KCP: variants seen among roughly 807,000 people sequenced by gnomAD.
The protein encoded by KCP is kielin/chordin-like protein.
A neutral mutation model predicts 212.7 loss-of-function variants in KCP; 194 were observed. The ratio of observed to expected loss-of-function variants is 0.91; its 90% CI spans 0.81 to 1.03. KCP has a LOEUF of 1.03. Among genes scored for constraint, KCP ranks in the 50% least tolerant of loss-of-function variants. The probability of loss-of-function intolerance (pLI) is 0.00; values close to 1 mark genes in which losing one functional copy is unlikely to be tolerated. For synonymous variants in KCP, 833 were observed against 865.3 expected, an observed-to-expected ratio of 0.96 and a Z score of 0.65; for missense variants, 2,080 against 2,162.5, an observed-to-expected ratio of 0.96 and a Z score of 0.76.
At chr7:128,902,333 T>C (rs1335156595) in intron 8 of KCP, among the ~76,000 whole-genome samples, 1 of 152,252 alleles carries the variant, frequency 6.6e-6, no homozygotes, top group Non-Finnish European at 1.5e-5. Context: ...CCCTATTTCA[T>C]AGGAAGTCTT....
At chr7:128,909,235 G>T (rs979332697) in intron 1 of KCP, among the ~76,000 whole-genome samples, 1 of 152,196 alleles carries the variant, frequency 6.6e-6, no homozygotes. Context: ...GGCAGACATA[G>T]GTCCCTCCTC....
chr7:128,878,573 A>G lies in KCP; in HGVS notation c.4296T>C (p.Phe1432=). 6.4e-7 allele frequency: 1 copy of G among 1,551,216 alleles called. No homozygotes were observed. The highest frequency in any genetic ancestry group is 8.7e-7 in the Non-Finnish European group (1 of 1,146,830). ...EGLLLPSEAA[F]GNSWQVSEGL... is the part of the protein sequence containing the mutation. ...TACCACTCACCTGCCAGCTATTCCC[A>G]AACGCAGCCTCCGAGGGCAGGAGCA... Residue 1432 remains phenylalanine, a synonymous_variant, in exon 38 of 40, where the codon TTT becomes TTC. Transcript: ENST00000610776.
At chr7:128,906,959 A>G (rs753017475) in intron 4 of KCP, 142 bp downstream of exon 4, 2 of 804,056 alleles carry the variant, frequency 2.5e-6, no homozygotes, top group African/African-American at 1.7e-5. Flanking sequence ...CCTACTCGGA[A>G]TCAACTGAAA....
chr7:128,891,779 G>T lies in KCP; in HGVS notation c.1662C>A (p.Ser554Arg), dbSNP rs200300106. Residue 554 changes from serine to arginine, a missense_variant, in exon 17 of 40, where the codon AGC becomes AGA. Ser to Arg is a moderately radical substitution (Grantham distance 110, BLOSUM62 -1). Coordinates refer to ENST00000610776, the MANE Select transcript of KCP (RefSeq NM_001366122.1). ...GGCAGGGGTCTCGGGGGTGGGAGAA[G>T]CTCTCGCCGTCCACAAACACCTCTT... The part of the protein sequence containing the change: ...LEEEVFVDGE[S>R]FSHPRDPCQE... 2.3e-3 allele frequency: 3,329 copies of T among 1,450,128 alleles called. 6 individuals carry two copies. Among genetic ancestry groups the T allele is most frequent in the Non-Finnish European group, 2.9e-3 (3,147 of 1,099,384 alleles). The allele number at this position is 1,450,128 out of a possible 1,614,324, so 89.8% of individuals were successfully genotyped here. A position where few individuals can be genotyped will look rare whatever the true frequency, so the allele number is the denominator to read the frequency against.
chr7:128,880,410 G>C lies in KCP; in HGVS notation c.3735C>G (p.Arg1245=). The C allele has an allele frequency of 6.5e-7, 1 of 1,543,288 alleles. No homozygotes were observed. The highest frequency in any genetic ancestry group is 8.8e-7 in the Non-Finnish European group (1 of 1,142,308). ...MAGTVRCQSQ[R]CSPLSCGPDK... ...CGGGGCCACACGAGAGCGGTGAGCAGCGCTGGCTCTGGCAACGCACGGTGC... is the reference window on the plus strand; with the variant it reads ...CGGGGCCACACGAGAGCGGTGAGCACCGCTGGCTCTGGCAACGCACGGTGC... The change falls in exon 34 of 40, where the codon CGC becomes CGG. Residue 1245 remains arginine, a synonymous_variant. Coordinates refer to ENST00000610776, the MANE Select transcript of KCP (RefSeq NM_001366122.1).
chr7:128,890,486 G>A lies in KCP; in HGVS notation c.2192C>T (p.Ala731Val). The A allele has an allele frequency of 6.5e-7, 1 of 1,550,102 alleles. No homozygotes were observed. Among genetic ancestry groups the A allele is most frequent in the Non-Finnish European group, 8.7e-7 (1 of 1,146,844 alleles). ...DGCLYQGKEF[A>V]SGERFPSPTA... ...GGGCGATGGGAAGCGCTCCCCGCTGGCAAACTCCTTCCCCTGGTACAGGCA... is the reference window on the plus strand; with the variant it reads ...GGGCGATGGGAAGCGCTCCCCGCTGACAAACTCCTTCCCCTGGTACAGGCA... The change falls in exon 21 of 40, where the codon GCC (alanine) becomes GTC (valine). Residue 731 changes from alanine (A) to valine (V), a missense_variant. Coordinates refer to ENST00000610776, the MANE Select transcript of KCP (RefSeq NM_001366122.1).
chr7:128,877,001 A>G lies in KCP; in HGVS notation c.*42T>C. Reference sequence around the variant, plus strand: ...AGGGTGGGAACTGCTCGCCAAGGGGAGACTCCTGGCCTGATGAACCCTTAT... The same window carrying G: ...AGGGTGGGAACTGCTCGCCAAGGGGGGACTCCTGGCCTGATGAACCCTTAT... On this transcript the variant is annotated 3_prime_UTR_variant, in exon 40 of 40. Transcript: ENST00000610776. The G allele has an allele frequency of 1.3e-6, 2 of 1,523,024 alleles. No homozygotes were observed. The highest frequency in any genetic ancestry group is 2.5e-5 in the South Asian group (2 of 79,308). The allele number at this position is 1,523,024 out of a possible 1,614,324, so 94.3% of individuals were successfully genotyped here.
intron 2 of KCP, 46 bp from the exon 3 acceptor site, chr7:128,907,499 A>C: frequency 7.6e-7 from 1 of 1,322,374 alleles, no homozygotes; most frequent in South Asian, 1.7e-5. Flanking sequence ...AGCTTCCCCC[A>C]CCATCTCCAG....
At position 128,903,713 on chromosome 7, in the gene KCP, CCAGGGGCTCTCA is replaced by C; in HGVS notation, c.748+2_748+13del. ...TACCTGTGGCTCTACCAGGGAGGGG[CCAGGGGCTCTCA>C]CCTTGGCAGGTTGGGCAGCAGTGCC... is the stretch of plus-strand genomic sequence containing the variant. On this transcript the variant is annotated splice_donor_variant and splice_donor_5th_base_variant and intron_variant, in intron 7 of 39. Coordinates refer to ENST00000610776, the MANE Select transcript of KCP (RefSeq NM_001366122.1). LOFTEE classifies it high-confidence loss of function. 6.5e-7 allele frequency: 1 copy of C among 1,541,132 alleles called. No individual in the cohort carries two copies. Among genetic ancestry groups the C allele is most frequent in the Non-Finnish European group, 8.8e-7 (1 of 1,141,708 alleles).
intron 26 of KCP, among the ~76,000 whole-genome samples, chr7:128,886,012 A>C (rs1324677700): frequency 1.3e-5 from 2 of 152,150 alleles, no homozygotes; most frequent in African/African-American, 4.8e-5. Flanking sequence ...GATGATGATG[A>C]TGATGGTGGT....
Position 128,881,011 on chromosome 7 carries a change from C to T in KCP, c.3499G>A (p.Ala1167Thr), listed in dbSNP as rs1329099745. The part of the protein sequence containing the change: ...SWRDPSNACI[A>T]CTCHRGHVEC... The stretch of plus-strand genomic sequence containing the variant: ...CCCCAGCTCACATGGCAGGTGCAGG[C>T]GATGCACGCATTGCTGGGGTCCCGC... The change falls in exon 32 of 40, where the codon GCC becomes ACC. Residue 1167 changes from alanine (A) to threonine (T), a missense_variant. Transcript: ENST00000610776. 5 of 398,856 alleles carry T rather than the reference C, an allele frequency of 1.3e-5. No individual in the cohort carries two copies. The highest frequency in any genetic ancestry group is 4.4e-5 in the Admixed American group (1 of 22,728). 24.7% of individuals were successfully genotyped at this position (398,856 alleles called of 1,614,324 possible). A position where few individuals can be genotyped will look rare whatever the true frequency, so the allele number is the denominator to read the frequency against.
chr7:128,886,015 A>G (rs1206137123), intron 26 of KCP, among the ~76,000 whole-genome samples: 2 of 151,792 alleles, frequency 1.3e-5, no homozygotes, highest in South Asian at 2.1e-4. Flanking sequence ...GATGATGATG[A>G]TGGTGGTGAT....
In KCP at chr7:128,886,041, G is replaced by T. The variant is rs150825631; in HGVS notation, c.2866+423C>A. Among the ~76,000 whole-genome samples, 427 of 152,252 alleles carry T rather than the reference G, an allele frequency of 2.8e-3. 1 individual carries two copies. The highest frequency in any genetic ancestry group is 9.9e-3 in the African/African-American group (413 of 41,544). ...TGGTGGTGATGATGATGATGATGAT[G>T]AATGGGGTGTGGTTAGGAAGAGGGG... On this transcript the variant is annotated intron_variant, in intron 26 of 39. Coordinates refer to ENST00000610776, the MANE Select transcript of KCP (RefSeq NM_001366122.1).
intron 29 of KCP, among the ~76,000 whole-genome samples, chr7:128,883,742 C>T (rs1793471218): frequency 6.6e-6 from 1 of 152,256 alleles, no homozygotes; most frequent in African/African-American, 2.4e-5. Context: ...GGCCTCACGT[C>T]TCAGCACAAC....
intron 34 of KCP, 112 bp downstream of exon 34, chr7:128,880,274 C>T: frequency 6.5e-6 from 9 of 1,377,500 alleles, no homozygotes; most frequent in Non-Finnish European, 8.8e-6. Context: ...TCCCCAGCTC[C>T]CAGCTGGCGG....
At chr7:128,893,545 G>A in intron 11 of KCP, 69 bp from the exon 12 acceptor site, 3 of 1,236,076 alleles carry the variant, frequency 2.4e-6, no homozygotes, top group South Asian at 2.6e-5. Flanking sequence ...GTCACCCTGA[G>A]GTGTCCAACC....
At position 128,908,652 on chromosome 7, in the gene KCP, AG is replaced by A; in HGVS notation, c.77-85del. ...TTCTGGGTTCTGTCTTCTGACCCACAGGGGAAGGGGGTCATCCTGTGCACCC... is the reference window on the plus strand; with the variant it reads ...TTCTGGGTTCTGTCTTCTGACCCACAGGGAAGGGGGTCATCCTGTGCACCC... On this transcript the variant is annotated intron_variant, in intron 1 of 39. Transcript: ENST00000610776. The A allele has an allele frequency of 7.1e-6, 10 of 1,418,018 alleles. No individual in the cohort carries two copies. In the South Asian group the frequency reaches 1.1e-4, roughly 15 times the overall value. The allele number at this position is 1,418,018 out of a possible 1,614,324, so 87.8% of individuals were successfully genotyped here.
intron 8 of KCP, among the ~76,000 whole-genome samples, chr7:128,894,797 G>A (rs1794418472): frequency 2.0e-5 from 3 of 152,136 alleles, no homozygotes; most frequent in Admixed American, 2.0e-4. Flanking sequence ...TAGTAGAGAT[G>A]GGGTTTCACC....
rs142536255 is a variant in KCP, at chr7:128,904,457, C to A, written c.572-319G>T. 5.4e-6 allele frequency: 6 copies of A among 1,117,082 alleles called. No individual in the cohort carries two copies. The African/African-American group carries it at 9.2e-5, about 17-fold the overall frequency. 69.2% of individuals were successfully genotyped at this position (1,117,082 alleles called of 1,614,324 possible). ...TTCTCTCTCTCCTGCTCTCCCTCCT[C>A]GTCCCTTCCTGTTCCATCCCTCTCC... On this transcript the variant is annotated intron_variant, in intron 5 of 39. Transcript: ENST00000610776.
Sources: allele counts gnomAD v4.1 joint callset (sites outside exome capture counted in the v4.1 genomes callset), GRCh38; gene constraint gnomAD v4.1.1; transcripts MANE v1.5; gene names NCBI Gene and HGNC (gene_info 2026-07-23, HGNC 2026-07-21).